ICE1: variants seen among roughly 807,000 people sequenced by gnomAD.
ICE1 encodes the protein little elongation complex subunit 1.
Under a neutral mutation model 192.7 loss-of-function variants are expected in ICE1, and 64 were observed. The observed-to-expected ratio is 0.33, with a 90% CI of 0.27 to 0.41. The LOEUF is 0.41. Ranked by LOEUF, ICE1 falls within the 10% of genes least tolerant of loss-of-function variation. The pLI is 1.00. For synonymous variants in ICE1, 1,010 were observed against 984.5 expected, an observed-to-expected ratio of 1.03 and a Z score of -0.49; for missense variants, 2,708 against 2,696.0, an observed-to-expected ratio of 1.00 and a Z score of -0.10.
chr5:5,441,490 G>C (rs1738052852), intron 5 of ICE1, among the ~76,000 whole-genome samples: 1 of 152,138 alleles, frequency 6.6e-6, no homozygotes, highest in African/African-American at 2.4e-5. Context: ...AATTTGTGTG[G>C]TTTTATGTGT....
chr5:5,457,756 C>A lies in ICE1; in HGVS notation c.1101+15C>A. 1.2e-6 allele frequency: 2 copies of A among 1,600,942 alleles called. No homozygotes were observed. Among genetic ancestry groups the A allele is most frequent in the East Asian group, 4.5e-5 (2 of 44,670 alleles). On this transcript the variant is annotated intron_variant, in intron 12 of 18. Coordinates refer to ENST00000296564, the MANE Select transcript of ICE1 (RefSeq NM_015325.3). Reference sequence around the variant, plus strand: ...CATTTGCACCTGTGAGTTTTGCTCTCTGAATTTGAATTACCAAGTGGGTAC... The same window carrying A: ...CATTTGCACCTGTGAGTTTTGCTCTATGAATTTGAATTACCAAGTGGGTAC...
In ICE1 at chr5:5,462,317, A is replaced by T. The variant is rs1387865596; in HGVS notation, c.2983A>T (p.Ser995Cys). 3 of 1,613,902 alleles carry T rather than the reference A, an allele frequency of 1.9e-6. No homozygotes were observed. The highest frequency in any genetic ancestry group is 2.5e-6 in the Non-Finnish European group (3 of 1,179,900). ...RQPQATDLDS[S>C]GTHGSEMLPA... ...GCCTCAGGCCACAGATCTGGACTCC[A>T]GTGGGACACATGGCAGTGAGATGCT... The change falls in exon 13 of 19, where the codon AGT becomes TGT. Residue 995 changes from serine to cysteine, a missense_variant. Ser to Cys is a moderately radical substitution (Grantham distance 112, BLOSUM62 -1). This residue lies in a region of ICE1 where 2,366 missense variants were observed against 2,276.6 expected (regional missense o/e 1.04). Transcript: ENST00000296564.
At chr5:5,484,940 G>T (rs1426891293) in intron 17 of ICE1, among the ~76,000 whole-genome samples, 1 of 152,116 alleles carries the variant, frequency 6.6e-6, no homozygotes, top group Non-Finnish European at 1.5e-5. Flanking sequence ...AGAAGATGAG[G>T]ATTTGCCTGG....
chr5:5,482,258 GTAT>G (rs1329959609), intron 17 of ICE1, among the ~76,000 whole-genome samples: 1 of 152,030 alleles, frequency 6.6e-6, no homozygotes, highest in African/African-American at 2.4e-5. Context: ...TTAATAATAT[GTAT>G]TATTTAGAGT....
chr5:5,457,093 C>T (rs1738606433), intron 11 of ICE1, among the ~76,000 whole-genome samples: 1 of 152,144 alleles, frequency 6.6e-6, no homozygotes, highest in Non-Finnish European at 1.5e-5. Flanking sequence ...CATCCACCCA[C>T]CGGTCCATCT....
At chr5:5,443,763 A>C (rs555296434) in intron 6 of ICE1, among the ~76,000 whole-genome samples, 1 of 152,342 alleles carries the variant, frequency 6.6e-6, no homozygotes, top group South Asian at 2.1e-4. Context: ...GTTATTCACA[A>C]CAAATGTGAG....
At position 5,447,492 on chromosome 5, in the gene ICE1, G is replaced by A; in HGVS notation, c.490G>A (p.Glu164Lys). 1 of 1,551,694 alleles carries A rather than the reference G, an allele frequency of 6.4e-7. No homozygotes were observed. Among genetic ancestry groups the A allele is most frequent in the Non-Finnish European group, 8.7e-7 (1 of 1,146,932 alleles). ...LRNEKKILEK[E>K]FKKTQERLDE... The stretch of plus-strand genomic sequence containing the variant: ...AAATGAAAAGAAAATACTTGAAAAG[G>A]AATTTAAGAAGACACAGGTACTAGA... Residue 164 changes from glutamate (E) to lysine (K), a missense_variant, in exon 8 of 19, where the codon GAA (glutamate) becomes AAA (lysine). Coordinates refer to ENST00000296564, the MANE Select transcript of ICE1 (RefSeq NM_015325.3).
chr5:5,472,588 A>G (rs1196325163), intron 15 of ICE1, among the ~76,000 whole-genome samples: 1 of 152,198 alleles, frequency 6.6e-6, no homozygotes, highest in African/African-American at 2.4e-5. Context: ...AGTTTTGGTT[A>G]TCAGGTGTAT....
At chr5:5,444,249 T>TG (rs151022183) in intron 6 of ICE1, 40 bp from the exon 7 acceptor site, 53,301 of 1,402,110 alleles carry the variant, frequency 0.038, 4,527 homozygotes, top group East Asian at 0.35. Context: ...TTTCCTATTC[T>TG]CTCTTTCTTG....
Position 5,462,693 on chromosome 5 carries a change from G to A in ICE1, c.3359G>A (p.Ser1120Asn). ...GAGGCATTTAGCTGCAGTGAGGGGA[G>A]CGAACAGCAAGATGCTCCTGATGAC... is the stretch of plus-strand genomic sequence containing the variant. Reference protein sequence around the residue: ...ESEAFSCSEGSEQQDAPDDSQ... With the variant: ...ESEAFSCSEGNEQQDAPDDSQ... The change falls in exon 13 of 19, where the codon AGC (serine) becomes AAC (asparagine). Residue 1120 changes from serine to asparagine, a missense_variant. Ser to Asn is a conservative substitution (Grantham distance 46, BLOSUM62 1). Around this residue, in one of 2 missense-constraint regions of ICE1, gnomAD observed 2,366 missense variants for 2,276.6 expected, o/e 1.04. Transcript: ENST00000296564. 6.2e-7 allele frequency: 1 copy of A among 1,613,918 alleles called. No individual in the cohort carries two copies. The highest frequency in any genetic ancestry group is 8.5e-7 in the Non-Finnish European group (1 of 1,179,844).
At chr5:5,481,104 T>C (rs1739491801) in intron 17 of ICE1, among the ~76,000 whole-genome samples, 1 of 152,210 alleles carries the variant, frequency 6.6e-6, no homozygotes, top group Admixed American at 6.5e-5. Context: ...CAGTAGCAGC[T>C]TCTCTTATGA....
At chr5:5,447,671 G>A in intron 8 of ICE1, 50 bp from the exon 9 acceptor site, 1 of 1,504,308 alleles carries the variant, frequency 6.6e-7, no homozygotes, top group Non-Finnish European at 9.1e-7. Context: ...GGTCTAGAAT[G>A]GCTGCACTTC....
Position 5,462,405 on chromosome 5 carries a change from C to T in ICE1, c.3071C>T (p.Thr1024Ile). The T allele has an allele frequency of 6.2e-7, 1 of 1,614,004 alleles. No individual in the cohort carries two copies. The highest frequency in any genetic ancestry group is 8.5e-7 in the Non-Finnish European group (1 of 1,179,904). Residue 1024 changes from threonine to isoleucine, a missense_variant, in exon 13 of 19, where the codon ACA becomes ATA. Transcript: ENST00000296564. ...GTTGAAGAAACCAGCTGTGGAGACACAGGGAGATCTGGTGGTGAGGCCCTG... is the reference window on the plus strand; with the variant it reads ...GTTGAAGAAACCAGCTGTGGAGACATAGGGAGATCTGGTGGTGAGGCCCTG... ...FSVEETSCGD[T>I]GRSGGEALAV...
Position 5,461,594 on chromosome 5 carries a change from A to G in ICE1, c.2260A>G (p.Ser754Gly). 6.2e-7 allele frequency: 1 copy of G among 1,613,244 alleles called. No individual in the cohort carries two copies. Among genetic ancestry groups the G allele is most frequent in the South Asian group, 1.1e-5 (1 of 90,886 alleles). ...MKATKDGQCE[S>G]QDPRIELTLN... The stretch of plus-strand genomic sequence containing the variant: ...AGCTACAAAAGATGGGCAATGTGAA[A>G]GTCAAGATCCAAGAATTGAGCTCAC... The change falls in exon 13 of 19, where the codon AGT (serine) becomes GGT (glycine). Residue 754 changes from serine to glycine, a missense_variant. By Grantham distance (56) the Ser-to-Gly change is moderately conservative. Transcript: ENST00000296564.
chr5:5,477,597 A>C (rs1213877519), intron 17 of ICE1, among the ~76,000 whole-genome samples: 2 of 152,242 alleles, frequency 1.3e-5, no homozygotes, highest in Non-Finnish European at 2.9e-5. Context: ...AAGCTATTCC[A>C]AACAGTAGAA....
At chr5:5,431,868 T>C (rs1461672168) in intron 1 of ICE1, among the ~76,000 whole-genome samples, 1 of 152,104 alleles carries the variant, frequency 6.6e-6, no homozygotes, top group Non-Finnish European at 1.5e-5. Context: ...CATCTTCGCC[T>C]TATTCTTTAT....
At chr5:5,466,215 T>G (rs1738979346) in intron 13 of ICE1, 119 bp from the exon 14 acceptor site, 1 of 823,768 alleles carries the variant, frequency 1.2e-6, no homozygotes, top group African/African-American at 1.8e-5. Context: ...TACCTTCTGA[T>G]GTAGCGCAAG....
chr5:5,437,994 A>G (rs1483486121), intron 3 of ICE1, among the ~76,000 whole-genome samples: 1 of 152,210 alleles, frequency 6.6e-6, no homozygotes, highest in Non-Finnish European at 1.5e-5. Flanking sequence ...CATCTGTACT[A>G]GTTGATTCTC....
At chr5:5,445,157 G>A (rs1738174380) in intron 7 of ICE1, among the ~76,000 whole-genome samples, 1 of 152,166 alleles carries the variant, frequency 6.6e-6, no homozygotes, top group African/African-American at 2.4e-5. Context: ...GTTAGAGTTT[G>A]AATTTAGTTA....
Sources: gnomAD v4.1 joint callset for allele counts (sites outside exome capture counted in the v4.1 genomes callset) on GRCh38, gnomAD v4.1.1 for gene constraint, gnomAD v4.1.1 regional missense constraint, MANE v1.5 for transcripts, NCBI Gene and HGNC (gene_info 2026-07-23, HGNC 2026-07-21) for gene names.